Variants in CYP2C19 observed in about 807,000 individuals in gnomAD.
CYP2C19 encodes the protein cytochrome P450 2C19.
Under a neutral mutation model 40.9 loss-of-function variants are expected in CYP2C19, and 59 were observed. The ratio of observed to expected loss-of-function variants is 1.44; its 90% CI spans 1.17 to 1.79. The LOEUF is 1.79. Among genes scored for constraint, CYP2C19 ranks in the 40% most tolerant of loss-of-function variants. The pLI, the probability that CYP2C19 is intolerant of heterozygous loss-of-function variation, is 0.00. For synonymous variants in CYP2C19, 253 were observed against 208.7 expected (o/e 1.21, Z -1.83); for missense variants, 754 against 596.9 (o/e 1.26, Z -2.74).
intron 5 of CYP2C19, among the ~76,000 whole-genome samples, chr10:94,809,676 C>T (rs1350723497): frequency 1.3e-5 from 2 of 151,908 alleles, no homozygotes; most frequent in African/African-American, 4.8e-5. Context: ...CATTTTTGCC[C>T]ATTCAGTATA....
intron 5 of CYP2C19, among the ~76,000 whole-genome samples, chr10:94,803,738 C>T (rs1848796947): frequency 6.6e-6 from 1 of 152,184 alleles, no homozygotes. Context: ...GTGGCCTAAA[C>T]TTCTAATCCA....
intron 5 of CYP2C19, among the ~76,000 whole-genome samples, chr10:94,790,556 A>G (rs1412576518): frequency 2.0e-5 from 3 of 152,094 alleles, no homozygotes; most frequent in African/African-American, 7.2e-5. Flanking sequence ...TAGCATGAAG[A>G]GCTGTTGAAT....
At chr10:94,794,875 C>T (rs1195574215) in intron 5 of CYP2C19, among the ~76,000 whole-genome samples, 2 of 151,994 alleles carry the variant, frequency 1.3e-5, no homozygotes, top group African/African-American at 4.8e-5. Context: ...TCCTCTTTTC[C>T]TAATTGAATA....
At chr10:94,789,054 G>A (rs1477709720) in intron 5 of CYP2C19, among the ~76,000 whole-genome samples, 1 of 152,068 alleles carries the variant, frequency 6.6e-6, no homozygotes, top group Admixed American at 6.5e-5. Flanking sequence ...GGCATGTGAT[G>A]GTATCTCATT....
intron 5 of CYP2C19, among the ~76,000 whole-genome samples, chr10:94,799,201 G>T (rs532343611): frequency 1.3e-5 from 2 of 151,982 alleles, no homozygotes; most frequent in Non-Finnish European, 2.9e-5. Context: ...AGGCCTGGTG[G>T]TCACAAAATC....
rs58973490 is a variant in CYP2C19, at chr10:94,775,507, G to A, written c.449G>A (p.Arg150His). 8,044 of 1,613,980 alleles carry A rather than the reference G, an allele frequency of 5.0e-3. 31 individuals are homozygous for A. Among genetic ancestry groups the A allele is most frequent in the Non-Finnish European group, 6.4e-3 (7,513 of 1,179,934 alleles). Reference protein sequence around the residue: ...SIEDRVQEEARCLVEELRKTK... With the variant: ...SIEDRVQEEAHCLVEELRKTK... ...GAGGACCGTGTTCAAGAGGAAGCCC[G>A]CTGCCTTGTGGAGGAGTTGAGAAAA... The change falls in exon 3 of 9, where the codon CGC (arginine) becomes CAC (histidine). Residue 150 changes from arginine to histidine, a missense_variant. By Grantham distance (29) the Arg-to-His change is conservative. Transcript: ENST00000371321.
At chr10:94,825,973 T>C (rs1230931646) in intron 6 of CYP2C19, among the ~76,000 whole-genome samples, 1 of 150,528 alleles carries the variant, frequency 6.6e-6, no homozygotes, top group Admixed American at 6.6e-5. Flanking sequence ...GTTGTAGATA[T>C]GTGGCGTTAT....
chr10:94,800,727 G>T (rs1054613833), intron 5 of CYP2C19, among the ~76,000 whole-genome samples: 50 of 152,178 alleles, frequency 3.3e-4, no homozygotes, highest in Admixed American at 1.3e-4. Flanking sequence ...TAGCAATGGT[G>T]GATGCCCCTT....
intron 3 of CYP2C19, among the ~76,000 whole-genome samples, chr10:94,779,118 T>C: frequency 6.6e-6 from 1 of 150,982 alleles, no homozygotes; most frequent in Non-Finnish European, 1.5e-5. Flanking sequence ...TGTTGAGGGG[T>C]TGGGGGGCAA....
chr10:94,772,189 T>C (rs947737177), intron 1 of CYP2C19, among the ~76,000 whole-genome samples: 1 of 152,140 alleles, frequency 6.6e-6, no homozygotes, highest in African/African-American at 2.4e-5. Flanking sequence ...ACAGGAAGGA[T>C]AGAATTTCTG....
chr10:94,800,078 A>C (rs1027389304), intron 5 of CYP2C19, among the ~76,000 whole-genome samples: 3 of 152,058 alleles, frequency 2.0e-5, no homozygotes, highest in African/African-American at 7.2e-5. Flanking sequence ...TGAGGAGGAG[A>C]GGCACTCTGG....
intron 3 of CYP2C19, among the ~76,000 whole-genome samples, chr10:94,777,500 C>T (rs535554437): frequency 1.3e-5 from 2 of 152,216 alleles, no homozygotes; most frequent in East Asian, 3.9e-4. Flanking sequence ...TAATGCCACA[C>T]ATCTACAACC....
intron 6 of CYP2C19, among the ~76,000 whole-genome samples, chr10:94,829,355 G>C (rs556545900): frequency 5.4e-4 from 82 of 152,272 alleles, no homozygotes; most frequent in African/African-American, 1.9e-3. Context: ...TGGAGGCTTT[G>C]CTCATTTCTT....
chr10:94,802,509 C>A (rs1589359740), intron 5 of CYP2C19, among the ~76,000 whole-genome samples: 1 of 152,060 alleles, frequency 6.6e-6, no homozygotes, highest in South Asian at 2.1e-4. Context: ...CTGAATACAG[C>A]ACACCAATAG....
intron 5 of CYP2C19, among the ~76,000 whole-genome samples, chr10:94,784,077 A>G: frequency 6.6e-6 from 1 of 152,124 alleles, no homozygotes; most frequent in South Asian, 2.1e-4. Context: ...CCCCCACTCC[A>G]TCATGTAATA....
chr10:94,779,596 C>CT (rs1848456971), intron 3 of CYP2C19, among the ~76,000 whole-genome samples: 1 of 113,232 alleles, frequency 8.8e-6, no homozygotes, highest in South Asian at 2.9e-4. Flanking sequence ...GAGTCTCACT[C>CT]TTTTGCCAGG....
chr10:94,833,918 A>T (rs116489928), intron 6 of CYP2C19, among the ~76,000 whole-genome samples: 193 of 152,042 alleles, frequency 1.3e-3, no homozygotes, highest in African/African-American at 4.5e-3. Context: ...TTTGTTGAGG[A>T]TTGTTGCATC....
At chr10:94,786,948 G>A (rs570892249) in intron 5 of CYP2C19, among the ~76,000 whole-genome samples, 15 of 151,798 alleles carry the variant, frequency 9.9e-5, no homozygotes, top group African/African-American at 3.6e-4. Context: ...GAATAGTGCA[G>A]AGATGGACAT....
Position 94,791,090 on chromosome 10 carries a change from T to A in CYP2C19, c.819+9093T>A, listed in dbSNP as rs1023630275. On this transcript the variant is annotated intron_variant, in intron 5 of 8. Coordinates refer to ENST00000371321, the MANE Select transcript of CYP2C19 (RefSeq NM_000769.4). ...GAGATTCAACTTCTTCCTGGTTTAG[T>A]CTTGGGAGGGTGTATGTGTCCGGGA... 9.9e-5 allele frequency among the ~76,000 whole-genome samples: 15 copies of A among 152,250 alleles called. No individual in the cohort carries two copies. In the South Asian group the frequency reaches 1.0e-3, roughly 11 times the overall value.
Sources: allele counts gnomAD v4.1 joint callset (sites outside exome capture counted in the v4.1 genomes callset), GRCh38; gene constraint gnomAD v4.1.1; transcripts MANE v1.5; gene names NCBI Gene and HGNC (gene_info 2026-07-23, HGNC 2026-07-21).